The following FYB1 variants were observed in gnomAD, a reference collection of about 807,000 sequenced individuals.
FYB1 encodes FYN binding protein 1.
A neutral mutation model predicts 94.1 loss-of-function variants in FYB1; 41 were observed. The observed-to-expected ratio is 0.44, with a 90% CI of 0.34 to 0.57. The LOEUF (loss-of-function observed/expected upper bound fraction) is 0.57. Among genes scored for constraint, FYB1 ranks in the 20% least tolerant of loss-of-function variants. The pLI is 0.02. For synonymous variants in FYB1, 367 were observed against 353.2 expected, an observed-to-expected ratio of 1.04 and a Z score of -0.44; for missense variants, 1,050 against 976.8, an observed-to-expected ratio of 1.07 and a Z score of -1.00.
At chr5:39,236,660 A>G (rs1750979076) in intron 1 of FYB1, among the ~76,000 whole-genome samples, 1 of 152,156 alleles carries the variant, frequency 6.6e-6, no homozygotes, top group Non-Finnish European at 1.5e-5. Context: ...AATAACAAGG[A>G]ACAATCAAAG....
At chr5:39,118,148 C>G (rs892286330) in intron 16 of FYB1, among the ~76,000 whole-genome samples, 10 of 152,156 alleles carry the variant, frequency 6.6e-5, no homozygotes, top group Admixed American at 5.9e-4. Flanking sequence ...AAGCAATCAT[C>G]CTGCCTCAGC....
chr5:39,190,076 A>C, intron 2 of FYB1, among the ~76,000 whole-genome samples: 1 of 152,240 alleles, frequency 6.6e-6, no homozygotes, highest in East Asian at 1.9e-4. Flanking sequence ...GAGCACGGTA[A>C]CATAGCTTTT....
rs773877131 is a variant in FYB1, at chr5:39,202,503, G to A, written c.458C>T (p.Pro153Leu). The change falls in exon 2 of 19, where the codon CCG becomes CTG. Residue 153 changes from proline to leucine, a missense_variant. Physicochemically the swap from Pro to Leu is moderately conservative, Grantham distance 98. Transcript: ENST00000512982. The stretch of plus-strand genomic sequence containing the variant: ...GGTTGGAGGAGTAGGCCCAGATTTC[G>A]GGCCTAGTGGCTTTAAGTCATGGTC... ...NQDHDLKPLG[P>L]KSGPTPPTSE... 155 of 1,613,800 alleles carry A rather than the reference G, an allele frequency of 9.6e-5. No homozygotes were observed. Among genetic ancestry groups the A allele is most frequent in the African/African-American group, 2.7e-5 (2 of 74,872 alleles).
At chr5:39,157,738 T>G (rs1743886175) in intron 2 of FYB1, among the ~76,000 whole-genome samples, 1 of 152,164 alleles carries the variant, frequency 6.6e-6, no homozygotes, top group South Asian at 2.1e-4. Flanking sequence ...TGCCTGGGTA[T>G]CTGTGATTTG....
At chr5:39,260,721 A>G (rs1018965976) in intron 1 of FYB1, among the ~76,000 whole-genome samples, 12 of 152,184 alleles carry the variant, frequency 7.9e-5, no homozygotes, top group Non-Finnish European at 5.9e-5. Context: ...GAGTGATGTC[A>G]AAATGAAGTT....
intron 2 of FYB1, among the ~76,000 whole-genome samples, chr5:39,155,840 T>C (rs891398485): frequency 3.9e-5 from 6 of 152,200 alleles, no homozygotes; most frequent in African/African-American, 7.2e-5. Flanking sequence ...GATAAGCTAT[T>C]ACTTACCAAT....
intron 1 of FYB1, among the ~76,000 whole-genome samples, chr5:39,267,358 T>TATC (rs10658182): frequency 0.69 from 99,910 of 145,040 alleles, 34,614 homozygotes; most frequent in East Asian, 0.79. Context: ...GTGGGATAGC[T>TATC]ATCATCATCA....
intron 1 of FYB1, among the ~76,000 whole-genome samples, chr5:39,257,922 T>C (rs1752033386): frequency 6.6e-6 from 1 of 152,132 alleles, no homozygotes; most frequent in African/African-American, 2.4e-5. Context: ...GGCAGCCAGG[T>C]TGAGGACCAC....
At chr5:39,128,488 A>G (rs1466477877) in intron 10 of FYB1, among the ~76,000 whole-genome samples, 1 of 152,106 alleles carries the variant, frequency 6.6e-6, no homozygotes, top group African/African-American at 2.4e-5. Context: ...GCTGGGAAAT[A>G]TAGGGGCCAT....
At chr5:39,147,415 C>T (rs1446949677) in intron 3 of FYB1, among the ~76,000 whole-genome samples, 16 of 149,638 alleles carry the variant, frequency 1.1e-4, no homozygotes, top group African/African-American at 3.0e-4. Context: ...ACGACAGGCA[C>T]GTGTTACCAT....
At chr5:39,161,670 T>A (rs890700972) in intron 2 of FYB1, among the ~76,000 whole-genome samples, 1 of 152,182 alleles carries the variant, frequency 6.6e-6, no homozygotes, top group African/African-American at 2.4e-5. Context: ...TTATTTCTGG[T>A]CACTTAGGTT....
chr5:39,270,878 G>T, intron 1 of FYB1: 1 of 347,680 alleles, frequency 2.9e-6, no homozygotes, highest in Non-Finnish European at 5.2e-6. Flanking sequence ...ATTAAATTTT[G>T]CTATACATTA....
chr5:39,223,259 C>T (rs939156009), upstream of FYB1, among the ~76,000 whole-genome samples: 1 of 151,860 alleles, frequency 6.6e-6, no homozygotes, highest in African/African-American at 2.4e-5. Flanking sequence ...TTTAAGACAC[C>T]GTATAGTAGT....
At chr5:39,169,148 C>T (rs1745013404) in intron 2 of FYB1, 2 of 733,148 alleles carry the variant, frequency 2.7e-6, no homozygotes, top group African/African-American at 1.7e-5. Flanking sequence ...GGCAATTGGC[C>T]TTCTTGCAGA....
chr5:39,124,394 T>C, intron 12 of FYB1, 116 bp from the exon 13 acceptor site: 1 of 559,026 alleles, frequency 1.8e-6, no homozygotes, highest in Non-Finnish European at 3.1e-6. Flanking sequence ...GGTTACTTCA[T>C]CTGTTGACCA....
At chr5:39,264,133 T>C (rs1752330632) in intron 1 of FYB1, among the ~76,000 whole-genome samples, 1 of 152,210 alleles carries the variant, frequency 6.6e-6, no homozygotes, top group East Asian at 1.9e-4. Flanking sequence ...ACACATGCAG[T>C]TCAATCCAAC....
At chr5:39,173,656 A>T (rs1026545789) in intron 2 of FYB1, among the ~76,000 whole-genome samples, 29 of 152,154 alleles carry the variant, frequency 1.9e-4, no homozygotes, top group African/African-American at 6.5e-4. Context: ...ATTTTTCTGC[A>T]TGTGGCTAGC....
intron 14 of FYB1, 145 bp from the exon 15 acceptor site, chr5:39,119,779 T>A: frequency 9.5e-7 from 1 of 1,049,660 alleles, no homozygotes; most frequent in Non-Finnish European, 1.3e-6. Context: ...ACTGTCATTG[T>A]AATAAATGAT....
intron 17 of FYB1, among the ~76,000 whole-genome samples, chr5:39,109,877 G>T (rs1459515463): frequency 6.6e-6 from 1 of 152,018 alleles, no homozygotes; most frequent in Non-Finnish European, 1.5e-5. Context: ...TTCCATAAAA[G>T]GCAACATAGT....
Sources: allele counts gnomAD v4.1 joint callset (sites outside exome capture counted in the v4.1 genomes callset), GRCh38; gene constraint gnomAD v4.1.1; transcripts MANE v1.5; gene names NCBI Gene and HGNC (gene_info 2026-07-23, HGNC 2026-07-21).